The following TRIM25 variants were observed in gnomAD, a reference collection of about 807,000 sequenced individuals.
The protein encoded by TRIM25 is tripartite motif containing 25.
TRIM25 carries 45 observed loss-of-function variants against 65.2 expected under a neutral mutation model. The observed-to-expected ratio is 0.69, with a 90% confidence interval of 0.54 to 0.89. The LOEUF (loss-of-function observed/expected upper bound fraction) is 0.89. TRIM25 is among the 40% of genes least tolerant of loss of function. The pLI, the probability that TRIM25 is intolerant of heterozygous loss-of-function variation, is 0.00. For missense variants in TRIM25, 714 were observed against 803.7 expected (o/e 0.89, Z 1.35); for synonymous variants, 321 against 340.4 (o/e 0.94, Z 0.63).
intron 2 of TRIM25, among the ~76,000 whole-genome samples, chr17:56,906,556 T>C (rs901348907): frequency 3.9e-5 from 6 of 152,090 alleles, no homozygotes; most frequent in Non-Finnish European, 8.8e-5. Flanking sequence ...TGCAATGACA[T>C]GACCTCGGCT....
rs866365462 is a variant in TRIM25 at position 56,889,447 on chromosome 17, C to T, written c.*2253G>A. Reference sequence around the variant, plus strand: ...GATGGATACAAAGGTTCCTCCAACTCTAGGACTCCAGGGTTGTGTGGCGGC... The same window carrying T: ...GATGGATACAAAGGTTCCTCCAACTTTAGGACTCCAGGGTTGTGTGGCGGC... On this transcript the variant is annotated 3_prime_UTR_variant, in exon 9 of 9. Transcript: ENST00000316881. 3.6e-6 allele frequency: 1 copy of T among 278,716 alleles called. No individual in the cohort carries two copies. Among genetic ancestry groups the T allele is most frequent in the African/African-American group, 2.2e-5 (1 of 46,186 alleles). The allele number at this position is 278,716 out of a possible 1,614,324, so 17.3% of individuals were successfully genotyped here. A position where few individuals can be genotyped will look rare whatever the true frequency, so the allele number is the denominator to read the frequency against.
At position 56,913,887 on chromosome 17, in the gene TRIM25, C is replaced by T; in HGVS notation, c.102G>A (p.Gly34=). 6.4e-7 allele frequency: 1 copy of T among 1,563,474 alleles called. No homozygotes were observed. Among genetic ancestry groups the T allele is most frequent in the Non-Finnish European group, 8.7e-7 (1 of 1,154,320 alleles). ...CTGCCCACGTCTCATTCAGGCACGA[C>T]CCGCAGAAGTTGTGGCCGCACGGAG... The part of the protein sequence containing the change: ...VTTPCGHNFC[G]SCLNETWAVQ... Residue 34 remains glycine, a synonymous_variant, in exon 1 of 9, where the codon GGG becomes GGA. Coordinates refer to ENST00000316881, the MANE Select transcript of TRIM25 (RefSeq NM_005082.5). This position sits in a 1 kb window ranked among gnomAD's most constrained non-coding sequence, Gnocchi z 6.1.
At chr17:56,907,125 G>A (rs1352615879) in intron 2 of TRIM25, among the ~76,000 whole-genome samples, 1 of 152,122 alleles carries the variant, frequency 6.6e-6, no homozygotes. Flanking sequence ...AAAGAGGCTG[G>A]GACAATACCT....
intron 3 of TRIM25, 66 bp from the exon 4 acceptor site, chr17:56,901,644 C>A (rs1357396888): frequency 6.3e-7 from 1 of 1,594,788 alleles, no homozygotes; most frequent in Non-Finnish European, 8.6e-7. Context: ...TCAGTCCTCA[C>A]CAACCCCAGG....
rs1264464629 is a variant in TRIM25 at position 56,914,043 on chromosome 17, G to A, written c.-55C>T. ...TGCACCCGCGCTCCGAGGCCGCCGA[G>A]GAAACGAAACCTAGCTCGAGAGGAG... On this transcript the variant is annotated 5_prime_UTR_variant, in exon 1 of 9. Transcript: ENST00000316881. 7 of 1,410,032 alleles carry A rather than the reference G, an allele frequency of 5.0e-6. No homozygotes were observed. The highest frequency in any genetic ancestry group is 2.6e-5 in the East Asian group (1 of 38,222). The allele number at this position is 1,410,032 out of a possible 1,614,324, so 87.3% of individuals were successfully genotyped here. A position where few individuals can be genotyped will look rare whatever the true frequency, so the allele number is the denominator to read the frequency against.
chr17:56,897,427 C>T (rs1198512903), intron 5 of TRIM25, among the ~76,000 whole-genome samples: 3 of 152,020 alleles, frequency 2.0e-5, no homozygotes, highest in Non-Finnish European at 1.5e-5. Context: ...TACCGCTTCT[C>T]CTACTTCGAA....
chr17:56,913,447 A>G lies in TRIM25; in HGVS notation c.542T>C (p.Val181Ala). The G allele has an allele frequency of 6.2e-7, 1 of 1,608,556 alleles. No individual in the cohort carries two copies. The highest frequency in any genetic ancestry group is 8.5e-7 in the Non-Finnish European group (1 of 1,176,588). The change falls in exon 1 of 9, where the codon GTG (valine) becomes GCG (alanine). Residue 181 changes from valine to alanine, a missense_variant. Physicochemically the swap from Val to Ala is moderately conservative, Grantham distance 64. Transcript: ENST00000316881. The surrounding 1 kb of genome is among the most constrained non-coding windows in gnomAD (Gnocchi z 6.1). ...HSECICHICL[V>A]EHKTCSPASL... ...CGCGGGAGAGCAGGTCTTATGCTCC[A>G]CCAGGCAGATGTGGCAGATGCACTC...
In TRIM25 at chr17:56,891,928, G is replaced by A; in HGVS notation, c.1665C>T (p.Asn555=). Residue 555 remains asparagine, a synonymous_variant, in exon 9 of 9, where the codon AAC becomes AAT. Coordinates refer to ENST00000316881, the MANE Select transcript of TRIM25 (RefSeq NM_005082.5). ...NSASWCVEWF[N]TKISAWHNNV... ...TATTGTGCCAGGCAGAGATCTTGGT[G>A]TTGAACCACTCCACGCACCAGGAGG... The A allele has an allele frequency of 6.2e-7, 1 of 1,614,216 alleles. No individual in the cohort carries two copies. Among genetic ancestry groups the A allele is most frequent in the Non-Finnish European group, 8.5e-7 (1 of 1,180,040 alleles).
At chr17:56,893,666 G>A (rs558325216) in intron 8 of TRIM25, among the ~76,000 whole-genome samples, 14 of 152,216 alleles carry the variant, frequency 9.2e-5, no homozygotes, top group Admixed American at 2.0e-4. Flanking sequence ...ACAAGAAGAC[G>A]GAAAGTGGGA....
chr17:56,898,483 AATGGCAGG>A (rs1598073491), intron 5 of TRIM25, among the ~76,000 whole-genome samples: 1 of 152,322 alleles, frequency 6.6e-6, no homozygotes, highest in East Asian at 1.9e-4. Context: ...CCCCCATGTC[AATGGCAGG>A]TGCCTGCCCA....
chr17:56,911,667 G>T (rs1442264120), intron 1 of TRIM25, among the ~76,000 whole-genome samples: 1 of 151,052 alleles, frequency 6.6e-6, no homozygotes, highest in Non-Finnish European at 1.5e-5. Context: ...GATGGGAGAA[G>T]GATTGAGGCC....
At chr17:56,899,334 G>T (rs1909364321) in intron 4 of TRIM25, among the ~76,000 whole-genome samples, 154 bp from the exon 5 acceptor site, 2 of 152,164 alleles carry the variant, frequency 1.3e-5, no homozygotes, top group South Asian at 2.1e-4. Context: ...CTACAAACAA[G>T]GTGATCTAAG....
rs1909202828 is a variant in TRIM25 at position 56,892,535 on chromosome 17, A to T, written c.1364-306T>A. ...CATCCATCTATCCACTTATCTATCC[A>T]TCCTTCTGCCTTTCCATTTATCCAT... On this transcript the variant is annotated intron_variant, in intron 8 of 8. Transcript: ENST00000316881. Among the ~76,000 whole-genome samples, 3 of 151,830 alleles carry T rather than the reference A, an allele frequency of 2.0e-5. No homozygotes were observed. The South Asian group carries it at 6.2e-4, about 32-fold the overall frequency.
chr17:56,892,715 C>T (rs1416598041), intron 8 of TRIM25, among the ~76,000 whole-genome samples: 1 of 152,320 alleles, frequency 6.6e-6, no homozygotes, highest in East Asian at 1.9e-4. Context: ...TATCAGTCAT[C>T]CGTATGTCTG....
At position 56,913,528 on chromosome 17, in the gene TRIM25, C is replaced by T. The variant is rs1430325231; in HGVS notation, c.461G>A (p.Arg154His). 1.2e-6 allele frequency: 2 copies of T among 1,613,618 alleles called. No individual in the cohort carries two copies. The highest frequency in any genetic ancestry group is 1.7e-6 in the Non-Finnish European group (2 of 1,179,828). Residue 154 changes from arginine to histidine, a missense_variant, in exon 1 of 9, where the codon CGC becomes CAC. Transcript: ENST00000316881. The surrounding 1 kb of genome is among the most constrained non-coding windows in gnomAD (Gnocchi z 6.1). ...CCGATTGTGCTGGGAACATTTGCGG[C>T]GCAACAGGTCGCGAACGGGCGGCTG... Reference protein sequence around the residue: ...PLQPPVRDLLRRKCSQHNRLR... With the variant: ...PLQPPVRDLLHRKCSQHNRLR...
chr17:56,891,729 C>T lies in TRIM25; in HGVS notation c.1864G>A (p.Ala622Thr). ...YPAFWVFSAG[A>T]TLSICSPK ...TTGGGGGAGCAGATGGAGAGTGTGG[C>T]ACCAGCAGAAAATACCCAGAAAGCC... Residue 622 changes from alanine (A) to threonine (T), a missense_variant, in exon 9 of 9, where the codon GCC becomes ACC. Ala to Thr is a moderately conservative substitution (Grantham distance 58). This residue lies in a region of TRIM25 where 10 missense variants were observed against 23.6 expected (regional missense o/e 0.42). Coordinates refer to ENST00000316881, the MANE Select transcript of TRIM25 (RefSeq NM_005082.5). 6.2e-7 allele frequency: 1 copy of T among 1,613,862 alleles called. No individual in the cohort carries two copies. Among genetic ancestry groups the T allele is most frequent in the Non-Finnish European group, 8.5e-7 (1 of 1,179,854 alleles).
intron 1 of TRIM25, among the ~76,000 whole-genome samples, chr17:56,912,403 C>T (rs1220869331): frequency 1.3e-5 from 2 of 152,316 alleles, no homozygotes; most frequent in South Asian, 4.1e-4. Context: ...ACGGCCAGGA[C>T]GGAGGACACT....
chr17:56,909,684 CAAAA>C (rs34148848), intron 1 of TRIM25, among the ~76,000 whole-genome samples: 2 of 124,594 alleles, frequency 1.6e-5, no homozygotes, highest in Non-Finnish European at 3.3e-5. Context: ...GACCCTGTCT[CAAAA>C]AAAAAAAAAA....
rs1189581990 is a variant in TRIM25, at chr17:56,888,898, A to G, written c.*2802T>C. On this transcript the variant is annotated 3_prime_UTR_variant, in exon 9 of 9. Transcript: ENST00000316881. ...GTATGACGAACAAATAGCATTTTGT[A>G]CCCGCACTACAATGCAGGAGAACGC... 6.6e-6 allele frequency: 1 copy of G among 152,218 alleles called. No individual in the cohort carries two copies. The highest frequency in any genetic ancestry group is 1.5e-5 in the Non-Finnish European group (1 of 68,038). 9.4% of individuals were successfully genotyped at this position (152,218 alleles called of 1,614,324 possible).
Sources: allele counts gnomAD v4.1 joint callset (sites outside exome capture counted in the v4.1 genomes callset), GRCh38; gene constraint gnomAD v4.1.1; regional missense constraint gnomAD v4.1.1; non-coding constraint Gnocchi (gnomAD v3.1); transcripts MANE v1.5; gene names NCBI Gene and HGNC (gene_info 2026-07-23, HGNC 2026-07-21).